The following STX18 variants were observed in gnomAD, a reference collection of about 807,000 sequenced individuals.
STX18 encodes syntaxin-18.
STX18 carries 40 observed loss-of-function variants against 50.1 expected under a neutral mutation model. The ratio of observed to expected loss-of-function variants is 0.80; its 90% CI spans 0.62 to 1.04. The LOEUF is 1.04. Ranked by LOEUF, STX18 falls within the 50% of genes least tolerant of loss-of-function variation. The pLI, the probability that STX18 is intolerant of heterozygous loss-of-function variation, is 0.00. For synonymous variants in STX18, 158 were observed against 151.8 expected, an observed-to-expected ratio of 1.04 and a Z score of -0.30; for missense variants, 410 against 415.8, an observed-to-expected ratio of 0.99 and a Z score of 0.12.
At chr4:4,488,164 T>A (rs568280371) in intron 1 of STX18, among the ~76,000 whole-genome samples, 5 of 152,142 alleles carry the variant, frequency 3.3e-5, no homozygotes, top group Non-Finnish European at 7.3e-5. Flanking sequence ...CCTCCTCTCG[T>A]GAGGTGAACA....
At chr4:4,432,677 T>G (rs1318920750) in intron 7 of STX18, among the ~76,000 whole-genome samples, 1 of 152,248 alleles carries the variant, frequency 6.6e-6, no homozygotes, top group Non-Finnish European at 1.5e-5. Flanking sequence ...AGGCTGCGTG[T>G]GGACTCCAGT....
intron 5 of STX18, among the ~76,000 whole-genome samples, chr4:4,455,720 G>A (rs1160852855): frequency 6.6e-6 from 1 of 152,190 alleles, no homozygotes; most frequent in Non-Finnish European, 1.5e-5. Context: ...TGGGCAATGA[G>A]TTACTAATGA....
chr4:4,425,228 A>T lies in STX18; in HGVS notation c.703-6T>A. The T allele has an allele frequency of 6.2e-7, 1 of 1,613,668 alleles. No individual in the cohort carries two copies. The highest frequency in any genetic ancestry group is 8.5e-7 in the Non-Finnish European group (1 of 1,179,556). Reference sequence around the variant, plus strand: ...CGCTGATTTTCCTGTTCAAACTGTGAGGAAACAGACACACTCAGGATGACA... The same window carrying T: ...CGCTGATTTTCCTGTTCAAACTGTGTGGAAACAGACACACTCAGGATGACA... On this transcript the variant is annotated splice_region_variant and splice_polypyrimidine_tract_variant and intron_variant, in intron 7 of 10. Transcript: ENST00000306200.
chr4:4,515,906 A>G (rs901098927), intron 1 of STX18, among the ~76,000 whole-genome samples: 4 of 152,164 alleles, frequency 2.6e-5, no homozygotes, highest in African/African-American at 9.7e-5. Context: ...TTCCGAAAAC[A>G]GCATCTGATT....
At chr4:4,439,767 G>C (rs1220291055) in intron 5 of STX18, among the ~76,000 whole-genome samples, 1 of 152,052 alleles carries the variant, frequency 6.6e-6, no homozygotes, top group Non-Finnish European at 1.5e-5. Flanking sequence ...TCTGCACTTG[G>C]CATTCCCCTG....
At chr4:4,525,873 GACT>G (rs1464286373) in intron 1 of STX18, among the ~76,000 whole-genome samples, 1 of 152,114 alleles carries the variant, frequency 6.6e-6, no homozygotes, top group African/African-American at 2.4e-5. Flanking sequence ...TTCAAGAGGA[GACT>G]AGTATAGGCT....
At chr4:4,536,398 CA>C (rs1367523650) in intron 1 of STX18, among the ~76,000 whole-genome samples, 1 of 152,140 alleles carries the variant, frequency 6.6e-6, no homozygotes, top group African/African-American at 2.4e-5. Context: ...AGACAAACAA[CA>C]AATAAATGGA....
At chr4:4,501,301 C>T (rs73796031) in intron 1 of STX18, among the ~76,000 whole-genome samples, 7,201 of 152,212 alleles carry the variant, frequency 0.047, 561 homozygotes, top group African/African-American at 0.16. Flanking sequence ...CGACATGGTT[C>T]CTCATTCTGT....
chr4:4,458,402 CA>C (rs1727193387), intron 3 of STX18, among the ~76,000 whole-genome samples: 1 of 152,108 alleles, frequency 6.6e-6, no homozygotes, highest in Non-Finnish European at 1.5e-5. Flanking sequence ...TGTGAAATTG[CA>C]TATAGAATTT....
At position 4,420,954 on chromosome 4, in the gene STX18, A is replaced by G. The variant is rs767016387; in HGVS notation, c.832-10T>C. The G allele has an allele frequency of 6.5e-5, 105 of 1,613,598 alleles. No individual in the cohort carries two copies. Among genetic ancestry groups the G allele is most frequent in the Non-Finnish European group, 8.7e-5 (103 of 1,179,710 alleles). ...TGTCAATCTCAGCTTCCTGTGGAAG[A>G]AAAGATAAATACAAGTTGAGTATCC... On this transcript the variant is annotated splice_polypyrimidine_tract_variant and intron_variant, in intron 9 of 10. Coordinates refer to ENST00000306200, the MANE Select transcript of STX18 (RefSeq NM_016930.4). The surrounding 1 kb of genome is among the most constrained non-coding windows in gnomAD (Gnocchi z 4.3).
intron 7 of STX18, among the ~76,000 whole-genome samples, chr4:4,432,993 A>C (rs1254609571): frequency 6.6e-6 from 1 of 152,216 alleles, no homozygotes; most frequent in African/African-American, 2.4e-5. Context: ...GGCCTGTGTC[A>C]GTGTGCCACG....
At chr4:4,481,677 A>C (rs968004988) in intron 1 of STX18, 27 of 152,326 alleles carry the variant, frequency 1.8e-4, no homozygotes, top group Admixed American at 8.5e-4. Context: ...AAAATGCATC[A>C]ATAGCAATTA....
At chr4:4,466,584 C>T (rs1236756509) in intron 2 of STX18, among the ~76,000 whole-genome samples, 1 of 152,126 alleles carries the variant, frequency 6.6e-6, no homozygotes, top group African/African-American at 2.4e-5. Context: ...GTGACAAAGG[C>T]TGCACTGAAG....
chr4:4,487,960 A>G (rs965687396), intron 1 of STX18, among the ~76,000 whole-genome samples: 1 of 152,212 alleles, frequency 6.6e-6, no homozygotes, highest in African/African-American at 2.4e-5. Context: ...CAAGAATTTG[A>G]CATTCTAAAA....
chr4:4,420,267 A>T lies in STX18; in HGVS notation c.913-138T>A. 1.5e-6 allele frequency: 1 copy of T among 645,962 alleles called. No homozygotes were observed. The highest frequency in any genetic ancestry group is 1.9e-5 in the South Asian group (1 of 52,022). 40.0% of individuals were successfully genotyped at this position (645,962 alleles called of 1,614,324 possible). ...TGTCGTTCCATCTGTGCTTACCTTG[A>T]ATAGATGGCTTTTGAGATCCACCAG... On this transcript the variant is annotated intron_variant, in intron 10 of 10. Coordinates refer to ENST00000306200, the MANE Select transcript of STX18 (RefSeq NM_016930.4). The surrounding 1 kb of genome is among the most constrained non-coding windows in gnomAD (Gnocchi z 4.3).
At chr4:4,475,511 T>C (rs1426214185) in intron 1 of STX18, among the ~76,000 whole-genome samples, 1 of 150,684 alleles carries the variant, frequency 6.6e-6, no homozygotes, top group Non-Finnish European at 1.5e-5. Flanking sequence ...AAGAAAAAAG[T>C]TCAACAAATC....
At chr4:4,531,681 C>G (rs1426445102) in intron 1 of STX18, among the ~76,000 whole-genome samples, 2 of 152,196 alleles carry the variant, frequency 1.3e-5, no homozygotes, top group Admixed American at 6.5e-5. Flanking sequence ...CTTCAAGGAT[C>G]TGCTCCCAGG....
chr4:4,488,459 G>A (rs553029855), intron 1 of STX18, among the ~76,000 whole-genome samples: 5 of 152,194 alleles, frequency 3.3e-5, no homozygotes, highest in African/African-American at 7.2e-5. Context: ...GGGTCCTAGC[G>A]CTACTTAAAA....
At chr4:4,433,239 A>G (rs1019077059) in intron 7 of STX18, among the ~76,000 whole-genome samples, 2 of 152,376 alleles carry the variant, frequency 1.3e-5, no homozygotes, top group African/African-American at 4.8e-5. Flanking sequence ...GAAGGCATTC[A>G]TAAGTATCCA....
Sources: allele counts gnomAD v4.1 joint callset (sites outside exome capture counted in the v4.1 genomes callset), GRCh38; gene constraint gnomAD v4.1.1; non-coding constraint Gnocchi (gnomAD v3.1); transcripts MANE v1.5; gene names NCBI Gene and HGNC (gene_info 2026-07-23, HGNC 2026-07-21).